Variants in CYTH3 observed in about 807,000 individuals in gnomAD.
CYTH3 encodes cytohesin 3.
A neutral mutation model predicts 55.1 loss-of-function variants in CYTH3; 23 were observed. The observed-to-expected ratio is 0.42, with a 90% CI of 0.30 to 0.59. The LOEUF (loss-of-function observed/expected upper bound fraction) is 0.59. Ranked by LOEUF, CYTH3 falls within the 20% of genes least tolerant of loss-of-function variation. The pLI is 0.20. For missense variants in CYTH3, 413 were observed against 524.8 expected (o/e 0.79, Z 2.08); for synonymous variants, 249 against 194.9 (o/e 1.28, Z -2.31).
At chr7:6,194,083 G>A (rs1783863285) in intron 1 of CYTH3, among the ~76,000 whole-genome samples, 1 of 152,152 alleles carries the variant, frequency 6.6e-6, no homozygotes, top group Non-Finnish European at 1.5e-5. Flanking sequence ...TGCACTCAGA[G>A]CTTCTAATAC....
rs553568868 is a variant in CYTH3, at chr7:6,236,227, A to G, written c.34+36247T>C. On this transcript the variant is annotated intron_variant, in intron 1 of 12. Transcript: ENST00000350796. The stretch of plus-strand genomic sequence containing the variant: ...CCCCCCCTTATTTTTTTTGTGAGAC[A>G]GAGTCTTGCTTTGTTGCCCAGGCTG... Among the ~76,000 whole-genome samples, 62 of 152,218 alleles carry G rather than the reference A, an allele frequency of 4.1e-4. 1 individual carries two copies. In the South Asian group the frequency reaches 8.1e-3, roughly 20 times the overall value.
chr7:6,233,570 C>T (rs570914341), intron 1 of CYTH3, among the ~76,000 whole-genome samples: 199 of 151,090 alleles, frequency 1.3e-3, no homozygotes, highest in Admixed American at 2.5e-3. Context: ...GCAGGAGAAT[C>T]GCTTGAACCC....
chr7:6,214,730 T>G (rs1784389806), intron 1 of CYTH3, among the ~76,000 whole-genome samples: 1 of 152,190 alleles, frequency 6.6e-6, no homozygotes, highest in South Asian at 2.1e-4. Flanking sequence ...CTGTAAGATG[T>G]GTTGTTTCCT....
At chr7:6,184,352 G>A (rs900862537) in intron 4 of CYTH3, among the ~76,000 whole-genome samples, 13 of 149,696 alleles carry the variant, frequency 8.7e-5, no homozygotes, top group East Asian at 4.1e-4. Flanking sequence ...GAGCCACCGC[G>A]CCTGGCCCCC....
At chr7:6,236,751 CAA>C (rs1197217179) in intron 1 of CYTH3, among the ~76,000 whole-genome samples, 3 of 152,000 alleles carry the variant, frequency 2.0e-5, no homozygotes, top group Non-Finnish European at 2.9e-5. Flanking sequence ...TTAGTAGAGA[CAA>C]AGTTTCACCA....
chr7:6,265,964 A>T (rs186058187), intron 1 of CYTH3, among the ~76,000 whole-genome samples: 1 of 147,936 alleles, frequency 6.8e-6, no homozygotes. Context: ...AATGCAACAG[A>T]ACATTGACAG....
intron 1 of CYTH3, among the ~76,000 whole-genome samples, chr7:6,216,005 CA>C (rs1279872124): frequency 6.6e-6 from 1 of 152,170 alleles, no homozygotes; most frequent in African/African-American, 2.4e-5. Context: ...AAAACGAAAA[CA>C]ACTTGTCACC....
At chr7:6,259,772 T>TATATATAATATATATATATATAA (rs1491219669) in intron 1 of CYTH3, among the ~76,000 whole-genome samples, 2 of 30,502 alleles carry the variant, frequency 6.6e-5, no homozygotes, top group South Asian at 2.1e-3. Flanking sequence ...TATATATATA[T>TATATATAATATATATATATATAA]TATATATATA....
In CYTH3 at chr7:6,180,439, C is replaced by G. The variant is rs556936333; in HGVS notation, c.250-2498G>C. ...AGAGGAGAAGGTGCAGAGAAGGCCACAAGACAATGGAGGCAGAGACCACAG... is the reference window on the plus strand; with the variant it reads ...AGAGGAGAAGGTGCAGAGAAGGCCAGAAGACAATGGAGGCAGAGACCACAG... On this transcript the variant is annotated intron_variant, in intron 4 of 12. Coordinates refer to ENST00000350796, the MANE Select transcript of CYTH3 (RefSeq NM_004227.4). Among the ~76,000 whole-genome samples the G allele has an allele frequency of 5.9e-5, 9 of 152,300 alleles. No homozygotes were observed. The East Asian group carries it at 1.7e-3, about 29-fold the overall frequency.
intron 1 of CYTH3, among the ~76,000 whole-genome samples, chr7:6,217,524 T>C (rs1389436363): frequency 6.6e-6 from 1 of 152,158 alleles, no homozygotes; most frequent in Non-Finnish European, 1.5e-5. Context: ...CAATTCTAAA[T>C]GTATATGCAC....
rs148074173 is a variant in CYTH3, at chr7:6,183,107, C to G, written c.249+3943G>C. 5.6e-4 allele frequency among the ~76,000 whole-genome samples: 85 copies of G among 152,380 alleles called. No homozygotes were observed. The East Asian group carries it at 0.012, about 21-fold the overall frequency. ...CGAGGACGCTGCCTGTTTTCACGGA[C>G]TAAGTGCTCCCTCTTGCTTTTCCCA... On this transcript the variant is annotated intron_variant, in intron 4 of 12. Coordinates refer to ENST00000350796, the MANE Select transcript of CYTH3 (RefSeq NM_004227.4).
intron 1 of CYTH3, among the ~76,000 whole-genome samples, chr7:6,262,051 G>A (rs1052905910): frequency 3.3e-5 from 5 of 152,116 alleles, no homozygotes; most frequent in Non-Finnish European, 7.3e-5. Flanking sequence ...GACAATAATG[G>A]AAATTAGGAA....
At chr7:6,168,455 G>A (rs545149413) in intron 9 of CYTH3, among the ~76,000 whole-genome samples, 5 of 152,044 alleles carry the variant, frequency 3.3e-5, no homozygotes, top group East Asian at 3.9e-4. Context: ...CACCCATCTC[G>A]TCTGCCTCCA....
At chr7:6,168,587 C>T (rs528897718) in intron 9 of CYTH3, among the ~76,000 whole-genome samples, 50 of 152,166 alleles carry the variant, frequency 3.3e-4, no homozygotes, top group Non-Finnish European at 5.7e-4. Flanking sequence ...CTCACCGGGC[C>T]GCCCACCACA....
At chr7:6,271,681 C>A (rs1366730776) in intron 1 of CYTH3, among the ~76,000 whole-genome samples, 3 of 152,164 alleles carry the variant, frequency 2.0e-5, no homozygotes, top group Non-Finnish European at 4.4e-5. Flanking sequence ...ATTCCTCCAG[C>A]AAGAGGAAAC....
chr7:6,208,584 C>T (rs1366889567), intron 1 of CYTH3, among the ~76,000 whole-genome samples: 2 of 152,308 alleles, frequency 1.3e-5, no homozygotes, highest in East Asian at 3.9e-4. Flanking sequence ...CTCACTGTCA[C>T]CCAGGTTGGG....
chr7:6,215,620 CA>C (rs1345481161), intron 1 of CYTH3, among the ~76,000 whole-genome samples: 4 of 147,712 alleles, frequency 2.7e-5, no homozygotes, highest in African/African-American at 7.5e-5. Flanking sequence ...CAAATAAGGA[CA>C]AAAAGGGTGG....
chr7:6,177,915 G>A lies in CYTH3; in HGVS notation c.276C>T (p.Asp92=), dbSNP rs1003936954. ...CGTCTTCTGGGGAACTCTGTAGCAG[G>A]TCATTTTCTATTAGAAACTGAATTC... ...KKGIQFLIEN[D]LLQSSPEDVA... is the part of the protein sequence containing the mutation. Residue 92 remains aspartate (D), a synonymous_variant, in exon 5 of 13, where the codon GAC becomes GAT. Coordinates refer to ENST00000350796, the MANE Select transcript of CYTH3 (RefSeq NM_004227.4). 1 of 1,614,014 alleles carries A rather than the reference G, an allele frequency of 6.2e-7. No homozygotes were observed. The highest frequency in any genetic ancestry group is 8.5e-7 in the Non-Finnish European group (1 of 1,179,898).
At chr7:6,240,081 G>C (rs1219808679) in intron 1 of CYTH3, among the ~76,000 whole-genome samples, 2 of 152,122 alleles carry the variant, frequency 1.3e-5, no homozygotes, top group Non-Finnish European at 2.9e-5. Flanking sequence ...CAAGGCAGGT[G>C]GATCGCGTGA....
Sources: gnomAD v4.1 joint callset for allele counts (sites outside exome capture counted in the v4.1 genomes callset) on GRCh38, gnomAD v4.1.1 for gene constraint, MANE v1.5 for transcripts, NCBI Gene and HGNC (gene_info 2026-07-23, HGNC 2026-07-21) for gene names.